The following CDH12 variants were observed in gnomAD, a reference collection of about 807,000 sequenced individuals.
CDH12 encodes cadherin-12.
CDH12 carries 41 observed loss-of-function variants against 74.1 expected under a neutral mutation model. The observed-to-expected ratio is 0.55, with a 90% CI of 0.43 to 0.72. CDH12 has a LOEUF of 0.72. Among genes scored for constraint, CDH12 ranks in the 30% least tolerant of loss-of-function variants. CDH12 has a pLI of 0.00. For synonymous variants in CDH12, 399 were observed against 355.0 expected (o/e 1.12, Z -1.39); for missense variants, 945 against 977.2 (o/e 0.97, Z 0.44).
chr5:21,924,318 C>T (rs1754490531), intron 6 of CDH12, among the ~76,000 whole-genome samples: 2 of 152,036 alleles, frequency 1.3e-5, no homozygotes. Context: ...GAGTTTGAGA[C>T]CAGCTTGGCC....
chr5:22,042,846 T>C (rs1739664080), intron 5 of CDH12, among the ~76,000 whole-genome samples: 1 of 138,706 alleles, frequency 7.2e-6, no homozygotes, highest in Non-Finnish European at 1.5e-5. Flanking sequence ...GCAGAGATCA[T>C]GCCACCACAC....
At chr5:22,664,548 T>C (rs1740514270) in intron 1 of CDH12, among the ~76,000 whole-genome samples, 1 of 152,186 alleles carries the variant, frequency 6.6e-6, no homozygotes, top group Admixed American at 6.5e-5. Flanking sequence ...ATTATGGGGA[T>C]TGCAATTCAA....
chr5:21,770,545 G>A (rs940279257), intron 11 of CDH12, among the ~76,000 whole-genome samples: 3 of 151,414 alleles, frequency 2.0e-5, no homozygotes, highest in Non-Finnish European at 2.9e-5. Flanking sequence ...TTGAACCCGA[G>A]AGGTGGAGGT....
At chr5:22,829,806 C>G (rs1482836225) in intron 1 of CDH12, among the ~76,000 whole-genome samples, 3 of 152,292 alleles carry the variant, frequency 2.0e-5, no homozygotes, top group Non-Finnish European at 4.4e-5. Flanking sequence ...GGCTACTCTT[C>G]ATCAGTGGAA....
At chr5:22,168,236 A>C (rs1748804714) in intron 4 of CDH12, among the ~76,000 whole-genome samples, 1 of 152,090 alleles carries the variant, frequency 6.6e-6, no homozygotes, top group Non-Finnish European at 1.5e-5. Flanking sequence ...AATATGCATT[A>C]ATTTGAATGA....
chr5:22,415,915 A>T (rs1743365384), intron 2 of CDH12, among the ~76,000 whole-genome samples: 1 of 152,156 alleles, frequency 6.6e-6, no homozygotes, highest in Non-Finnish European at 1.5e-5. Flanking sequence ...CAATAAAAAA[A>T]AAAATTGAAC....
Position 22,297,495 on chromosome 5 carries a change from T to C in CDH12, c.-332-84852A>G, listed in dbSNP as rs1737683603. On this transcript the variant is annotated intron_variant, in intron 3 of 14. Transcript: ENST00000382254. ...ATATCTGATTAGAGTAGAATCAGAATTCATTACTTTACATGCATTTATTTC... is the reference window on the plus strand; with the variant it reads ...ATATCTGATTAGAGTAGAATCAGAACTCATTACTTTACATGCATTTATTTC... 2.0e-5 allele frequency among the ~76,000 whole-genome samples: 3 copies of C among 152,182 alleles called. No homozygotes were observed. The South Asian group carries it at 6.2e-4, about 31-fold the overall frequency.
intron 6 of CDH12, among the ~76,000 whole-genome samples, chr5:21,896,126 C>T (rs115846451): frequency 9.1e-4 from 138 of 152,274 alleles, no homozygotes; most frequent in African/African-American, 3.0e-3. Flanking sequence ...ATAAATGAGG[C>T]ACAGTATCTG....
chr5:22,388,981 C>A (rs894698874), intron 3 of CDH12, among the ~76,000 whole-genome samples: 11 of 152,274 alleles, frequency 7.2e-5, no homozygotes, highest in Admixed American at 7.2e-4. Flanking sequence ...TTTTTCAAAG[C>A]ATTTTAAACA....
At chr5:21,848,575 G>C (rs1257165479) in intron 7 of CDH12, among the ~76,000 whole-genome samples, 1 of 151,800 alleles carries the variant, frequency 6.6e-6, no homozygotes, top group East Asian at 1.9e-4. Flanking sequence ...GTACATTCTT[G>C]AATAATATTT....
intron 2 of CDH12, among the ~76,000 whole-genome samples, chr5:22,427,398 C>A (rs1358834003): frequency 6.6e-6 from 1 of 152,084 alleles, no homozygotes; most frequent in Non-Finnish European, 1.5e-5. Flanking sequence ...GATCTCTTGA[C>A]CTTGTAATCC....
intron 3 of CDH12, among the ~76,000 whole-genome samples, chr5:22,267,281 G>A (rs540617683): frequency 3.9e-5 from 6 of 152,154 alleles, no homozygotes; most frequent in Non-Finnish European, 7.4e-5. Flanking sequence ...ACTGTTATGA[G>A]TAACGTGTTT....
chr5:21,760,057 A>G (rs1306138171), intron 13 of CDH12, among the ~76,000 whole-genome samples: 1 of 152,080 alleles, frequency 6.6e-6, no homozygotes, highest in Non-Finnish European at 1.5e-5. Flanking sequence ...TGGTGTATAT[A>G]TATGTACCAC....
At chr5:22,495,037 C>A (rs1017204461) in intron 2 of CDH12, among the ~76,000 whole-genome samples, 1 of 152,102 alleles carries the variant, frequency 6.6e-6, no homozygotes, top group Non-Finnish European at 1.5e-5. Flanking sequence ...ACAACAACAA[C>A]AAAAACTCCT....
intron 1 of CDH12, among the ~76,000 whole-genome samples, chr5:22,567,515 G>A (rs1739343980): frequency 6.6e-6 from 1 of 152,032 alleles, no homozygotes; most frequent in African/African-American, 2.4e-5. Flanking sequence ...TGTAGTTTAG[G>A]GCAATTTGTA....
intron 1 of CDH12, among the ~76,000 whole-genome samples, chr5:22,624,540 C>T (rs958546755): frequency 2.0e-5 from 3 of 152,164 alleles, no homozygotes; most frequent in Non-Finnish European, 4.4e-5. Context: ...ATTTATGTAG[C>T]CAACAGACAC....
At chr5:21,864,000 A>C (rs1249382099) in intron 6 of CDH12, among the ~76,000 whole-genome samples, 1 of 152,200 alleles carries the variant, frequency 6.6e-6, no homozygotes, top group Non-Finnish European at 1.5e-5. Context: ...TTATAAATAT[A>C]CTAAAGTTGC....
chr5:22,485,416 C>T (rs1307578221), intron 2 of CDH12, among the ~76,000 whole-genome samples: 1 of 152,172 alleles, frequency 6.6e-6, no homozygotes, highest in African/African-American at 2.4e-5. Context: ...GTCTTAAACT[C>T]CTGGCTTCAA....
chr5:22,233,566 AT>A (rs368792385), intron 3 of CDH12, among the ~76,000 whole-genome samples: 66 of 152,312 alleles, frequency 4.3e-4, no homozygotes, highest in Non-Finnish European at 7.8e-4. Flanking sequence ...ACTGTTTGAT[AT>A]AAAAATAAAA....
Sources: allele counts gnomAD v4.1 joint callset (sites outside exome capture counted in the v4.1 genomes callset), GRCh38; gene constraint gnomAD v4.1.1; transcripts MANE v1.5; gene names NCBI Gene and HGNC (gene_info 2026-07-23, HGNC 2026-07-21).